DPP6: variants seen among roughly 807,000 people sequenced by gnomAD.
DPP6 encodes dipeptidyl peptidase like 6, also known as A-type potassium channel modulatory protein DPP6.
In DPP6, 69 loss-of-function variants were observed where a neutral mutation model predicts 122.6. The ratio of observed to expected loss-of-function variants is 0.56; its 90% CI spans 0.46 to 0.69. The LOEUF (loss-of-function observed/expected upper bound fraction) is 0.69, where lower values mean the gene tolerates loss of function less well. Ranked by LOEUF, DPP6 falls within the 30% of genes least tolerant of loss-of-function variation. DPP6 has a pLI of 0.00. For synonymous variants in DPP6, 418 were observed against 433.1 expected, an observed-to-expected ratio of 0.97 and a Z score of 0.43; for missense variants, 928 against 1,116.9, an observed-to-expected ratio of 0.83 and a Z score of 2.41.
intron 16 of DPP6, among the ~76,000 whole-genome samples, chr7:154,841,011 A>T (rs1033997693): frequency 2.0e-5 from 3 of 152,222 alleles, no homozygotes; most frequent in Non-Finnish European, 4.4e-5. Flanking sequence ...CTATGTTCCA[A>T]GTACAGTTGA....
intron 1 of DPP6, among the ~76,000 whole-genome samples, chr7:154,321,784 C>CAAA (rs1180440495): frequency 3.2e-5 from 2 of 63,020 alleles, no homozygotes; most frequent in Admixed American, 1.8e-4. Context: ...GACTCTGTCT[C>CAAA]AAAAAAAAAA....
intron 1 of DPP6, among the ~76,000 whole-genome samples, chr7:154,057,077 G>C (rs1433584441): frequency 1.3e-5 from 2 of 152,192 alleles, no homozygotes; most frequent in Non-Finnish European, 2.9e-5. Flanking sequence ...GATCCCAGTG[G>C]CCCCTACAAA....
intron 7 of DPP6, among the ~76,000 whole-genome samples, chr7:154,676,898 C>T (rs1365066945): frequency 6.6e-6 from 1 of 152,188 alleles, no homozygotes; most frequent in East Asian, 1.9e-4. Context: ...TGGTTTGCGG[C>T]TTGTGCTTAT....
intron 1 of DPP6, among the ~76,000 whole-genome samples, chr7:153,941,213 G>A (rs1801681686): frequency 6.6e-6 from 1 of 152,212 alleles, no homozygotes; most frequent in African/African-American, 2.4e-5. Flanking sequence ...CCCTTGATGT[G>A]TTGGAATGTG....
chr7:154,254,253 T>C (rs1170779064), intron 1 of DPP6, among the ~76,000 whole-genome samples: 2 of 152,212 alleles, frequency 1.3e-5, no homozygotes, highest in African/African-American at 4.8e-5. Context: ...ATCAAGGCCA[T>C]AGCTTTGCCC....
chr7:154,010,490 C>G (rs1205306109), intron 1 of DPP6, among the ~76,000 whole-genome samples: 1 of 152,224 alleles, frequency 6.6e-6, no homozygotes, highest in Admixed American at 6.5e-5. Flanking sequence ...CTGCCTGCTG[C>G]TTCAAATGCT....
chr7:154,174,000 T>C (rs530317632), intron 1 of DPP6, among the ~76,000 whole-genome samples: 2 of 152,224 alleles, frequency 1.3e-5, no homozygotes, highest in African/African-American at 4.8e-5. Context: ...GACATGGGTG[T>C]CTTGCTTAAG....
intron 1 of DPP6, among the ~76,000 whole-genome samples, chr7:154,071,905 G>T (rs920451821): frequency 6.6e-6 from 1 of 152,092 alleles, no homozygotes; most frequent in South Asian, 2.1e-4. Flanking sequence ...CTAAAATCTC[G>T]ATCCCTTGAA....
At chr7:154,677,353 T>C (rs1315759527) in intron 7 of DPP6, among the ~76,000 whole-genome samples, 1 of 152,112 alleles carries the variant, frequency 6.6e-6, no homozygotes, top group East Asian at 1.9e-4. Context: ...CTTTTTTCTA[T>C]GAATCAGTGA....
chr7:154,297,166 AC>A (rs1805599599), intron 1 of DPP6, among the ~76,000 whole-genome samples: 3 of 150,890 alleles, frequency 2.0e-5, no homozygotes, highest in Admixed American at 1.3e-4. Flanking sequence ...GAGTGAAATG[AC>A]CTACCTTTAC....
chr7:154,365,783 C>G (rs192004676), intron 1 of DPP6, among the ~76,000 whole-genome samples: 3 of 151,912 alleles, frequency 2.0e-5, no homozygotes, highest in African/African-American at 7.3e-5. Context: ...ACGGTGAAAC[C>G]CCGTCTCTAC....
At chr7:154,439,610 CT>C (rs1819188695) in intron 1 of DPP6, among the ~76,000 whole-genome samples, 1 of 152,278 alleles carries the variant, frequency 6.6e-6, no homozygotes, top group Non-Finnish European at 1.5e-5. Context: ...TAATTTGAAC[CT>C]GATGTTGGAA....
In DPP6 at chr7:154,406,118, G is replaced by T. The variant is rs1816065264; in HGVS notation, c.244-40096G>T. 2.0e-5 allele frequency among the ~76,000 whole-genome samples: 3 copies of T among 152,150 alleles called. No individual in the cohort carries two copies. The South Asian group carries it at 6.2e-4, about 32-fold the overall frequency. On this transcript the variant is annotated intron_variant, in intron 1 of 25. Coordinates refer to ENST00000377770, the MANE Select transcript of DPP6 (RefSeq NM_130797.4). ...TGTAAAGTCTATGCAAAATCTGGAT[G>T]CTCATGGAGAAGATTCTTGTCAAAT...
At chr7:154,678,266 C>A (rs1184436662) in intron 7 of DPP6, among the ~76,000 whole-genome samples, 1 of 152,232 alleles carries the variant, frequency 6.6e-6, no homozygotes, top group African/African-American at 2.4e-5. Context: ...GGGTTCCCTT[C>A]CACGTGGAAG....
Position 154,044,596 on chromosome 7 carries a change from C to T in DPP6, c.51+156862C>T, listed in dbSNP as rs201804506. On this transcript the variant is annotated intron_variant, in intron 1 of 25. Transcript: ENST00000404039. The stretch of plus-strand genomic sequence containing the variant: ...TTAAAATTCAAGAAAAGCTACCGAT[C>T]TACCTAAAGTAGCATCAACTCGTTT... 3.3e-5 allele frequency among the ~76,000 whole-genome samples: 5 copies of T among 152,166 alleles called. No homozygotes were observed. In the East Asian group the frequency reaches 9.6e-4, roughly 29 times the overall value.
intron 1 of DPP6, among the ~76,000 whole-genome samples, chr7:154,359,236 T>C (rs2151094529): frequency 6.6e-6 from 1 of 152,276 alleles, no homozygotes; most frequent in African/African-American, 2.4e-5. Context: ...CCATGTGCAA[T>C]ATCAGTCATG....
chr7:153,884,588 T>C (rs539329620), upstream of DPP6, among the ~76,000 whole-genome samples: 1 of 152,320 alleles, frequency 6.6e-6, no homozygotes, highest in South Asian at 2.1e-4. Flanking sequence ...CATATGTTTA[T>C]TGTGGTTGTT....
intron 1 of DPP6, among the ~76,000 whole-genome samples, chr7:154,016,783 G>C (rs555078647): frequency 6.6e-6 from 1 of 152,262 alleles, no homozygotes; most frequent in Non-Finnish European, 1.5e-5. Context: ...GTGCACAAGT[G>C]TTTCCCTTTC....
chr7:153,956,386 A>G (rs1037316684), intron 1 of DPP6, among the ~76,000 whole-genome samples: 3 of 152,120 alleles, frequency 2.0e-5, no homozygotes, highest in African/African-American at 7.2e-5. Context: ...GCTCCAGAAA[A>G]GAGACAGCGA....
Sources: allele counts gnomAD v4.1 joint callset (sites outside exome capture counted in the v4.1 genomes callset), GRCh38; gene constraint gnomAD v4.1.1; transcripts MANE v1.5; gene names NCBI Gene and HGNC (gene_info 2026-07-23, HGNC 2026-07-21).